SMARCD3: variants seen among roughly 807,000 people sequenced by gnomAD.
SMARCD3 encodes SWI/SNF-related matrix-associated actin-dependent regulator of chromatin subfamily D member 3.
SMARCD3 carries 14 observed loss-of-function variants against 58.0 expected under a neutral mutation model. That is an observed-to-expected ratio of 0.24 (90% CI 0.16 to 0.38). The LOEUF is 0.38. SMARCD3 is among the 10% of genes least tolerant of loss of function. The pLI is 1.00. For synonymous variants in SMARCD3, 253 were observed against 253.8 expected, an observed-to-expected ratio of 1.00 and a Z score of 0.03; for missense variants, 408 against 636.9, an observed-to-expected ratio of 0.64 and a Z score of 3.87.
intron 2 of SMARCD3, among the ~76,000 whole-genome samples, chr7:151,263,815 A>G (rs1042641426): frequency 2.3e-4 from 35 of 152,306 alleles, no homozygotes; most frequent in African/African-American, 5.8e-4. Context: ...AAAAAATGCA[A>G]TGAGGACCAT....
In SMARCD3 at chr7:151,245,552, C is replaced by G; in HGVS notation, c.198G>C (p.Glu66Asp). The G allele has an allele frequency of 8.3e-7, 1 of 1,204,582 alleles. No homozygotes were observed. Among genetic ancestry groups the G allele is most frequent in the Non-Finnish European group, 1.0e-6 (1 of 964,730 alleles). The allele number at this position is 1,204,582 out of a possible 1,614,324, so 74.6% of individuals were successfully genotyped here. ...VRPGLAPAGM[E>D]PARKRAAPPP... ...GGGGCGCTGCTCGCTTGCGGGCGGG[C>G]TCCATGCCCGCGGGGGCCAGGCCGG... The change falls in exon 2 of 13, where the codon GAG becomes GAC. Residue 66 changes from glutamate (E) to aspartate (D), a missense_variant. By Grantham distance (45) the Glu-to-Asp change is conservative. Transcript: ENST00000262188. The surrounding 1 kb of genome is among the most constrained non-coding windows in gnomAD (Gnocchi z 6.2).
Position 151,239,770 on chromosome 7 carries a change from T to C in SMARCD3, c.1174-24A>G. On this transcript the variant is annotated intron_variant, in intron 10 of 12. Transcript: ENST00000262188. The surrounding 1 kb of genome is among the most constrained non-coding windows in gnomAD (Gnocchi z 7.0). ...ATCTGCAGGTAGAAAGATAGATGCTTTCCACCTGGCTTTGGTGATGTGGGA... is the reference window on the plus strand; with the variant it reads ...ATCTGCAGGTAGAAAGATAGATGCTCTCCACCTGGCTTTGGTGATGTGGGA... 1 of 1,613,310 alleles carries C rather than the reference T, an allele frequency of 6.2e-7. No individual in the cohort carries two copies. Among genetic ancestry groups the C allele is most frequent in the Non-Finnish European group, 8.5e-7 (1 of 1,179,764 alleles).
intron 2 of SMARCD3, among the ~76,000 whole-genome samples, chr7:151,257,430 G>A (rs1280962291): frequency 4.6e-5 from 7 of 152,230 alleles, no homozygotes; most frequent in East Asian, 1.9e-4. Flanking sequence ...GGGTTCAAGC[G>A]ATTCTCCTGC....
At position 151,241,934 on chromosome 7, in the gene SMARCD3, C is replaced by A; in HGVS notation, c.720G>T (p.Val240=). ...PTTQETDGFQ[V]KRPGDLSVRC... Reference sequence around the variant, plus strand: ...GCACACTCAGGTCCCCAGGCCGTTTCACCTGGAAGCCGTCCGTCTCCTGGG... The same window carrying A: ...GCACACTCAGGTCCCCAGGCCGTTTAACCTGGAAGCCGTCCGTCTCCTGGG... Residue 240 remains valine, a synonymous_variant, in exon 7 of 13, where the codon GTG becomes GTT. Coordinates refer to ENST00000262188, the MANE Select transcript of SMARCD3 (RefSeq NM_001003801.2). This position sits in a 1 kb window ranked among gnomAD's most constrained non-coding sequence, Gnocchi z 5.3. The A allele has an allele frequency of 6.2e-7, 1 of 1,613,006 alleles. No homozygotes were observed. The highest frequency in any genetic ancestry group is 8.5e-7 in the Non-Finnish European group (1 of 1,179,570).
chr7:151,275,259 G>T, intron 1 of SMARCD3: 1 of 955,058 alleles, frequency 1.0e-6, no homozygotes. Flanking sequence ...GATCTGAAAG[G>T]AGAGGTCAGA....
At position 151,257,348 on chromosome 7, in the gene SMARCD3, C is replaced by T. The variant is rs1803734163; in HGVS notation, c.40-11677G>A. ...CGCTGCTCCACTGAAATGCTCCTGGCAGGGCCACCGGTAGCCTCCACATTG... is the reference window on the plus strand; with the variant it reads ...CGCTGCTCCACTGAAATGCTCCTGGTAGGGCCACCGGTAGCCTCCACATTG... On this transcript the variant is annotated intron_variant, in intron 2 of 13. Transcript: ENST00000356800. Among the ~76,000 whole-genome samples the T allele has an allele frequency of 2.0e-5, 3 of 152,234 alleles. No homozygotes were observed. In the South Asian group the frequency reaches 6.2e-4, roughly 32 times the overall value.
At chr7:151,249,853 G>A (rs1045765720), upstream of SMARCD3, among the ~76,000 whole-genome samples, 1 of 151,938 alleles carries the variant, frequency 6.6e-6, no homozygotes, top group African/African-American at 2.4e-5. This position sits in a 1 kb window ranked among gnomAD's most constrained non-coding sequence, Gnocchi z 4.8. Flanking sequence ...AAGGAGGAGG[G>A]GCAAATCCTG....
rs1444513797 is a variant in SMARCD3, at chr7:151,239,401, A to G, written c.1393T>C (p.Cys465Arg). The change falls in exon 12 of 13, where the codon TGC becomes CGC. Residue 465 changes from cysteine (C) to arginine (R), a missense_variant. Cys to Arg is a radical substitution (Grantham distance 180). This residue lies in a region of SMARCD3 where 81 missense variants were observed against 109.7 expected (regional missense o/e 0.74). Transcript: ENST00000262188. The surrounding 1 kb of genome is among the most constrained non-coding windows in gnomAD (Gnocchi z 7.0). ...GGGCAAGGGTCCCTGCATACCTTGC[A>G]GTAGAAGTAGCGACTGACGGCCTCC... ...SQEAVSRYFY[C>R]KIQQRRQELE... 4 of 1,611,584 alleles carry G rather than the reference A, an allele frequency of 2.5e-6. No homozygotes were observed. The highest frequency in any genetic ancestry group is 2.2e-5 in the East Asian group (1 of 44,878).
At position 151,240,460 on chromosome 7, in the gene SMARCD3, C is replaced by T. The variant is rs1220619328; in HGVS notation, c.1002G>A (p.Leu334=). 3.1e-6 allele frequency: 5 copies of T among 1,613,856 alleles called. No individual in the cohort carries two copies. Among genetic ancestry groups the T allele is most frequent in the Non-Finnish European group, 4.2e-6 (5 of 1,179,968 alleles). Residue 334 remains leucine, a synonymous_variant, in exon 9 of 13, where the codon TTG becomes TTA. Transcript: ENST00000262188. The part of the protein sequence containing the change: ...EIPQRLTALL[L]PPDPIVINHV... Reference sequence around the variant, plus strand: ...GGTTGATGACAATTGGGTCAGGGGGCAATAGCAGGGCTGTGAGGCGCTGGG... The same window carrying T: ...GGTTGATGACAATTGGGTCAGGGGGTAATAGCAGGGCTGTGAGGCGCTGGG...
chr7:151,276,085 G>T (rs1795330234), intron 1 of SMARCD3, among the ~76,000 whole-genome samples: 1 of 151,530 alleles, frequency 6.6e-6, no homozygotes, highest in African/African-American at 2.4e-5. Flanking sequence ...GGGAGACAGA[G>T]TGGGAGGGGA....
At chr7:151,274,741 T>A (rs1795289254) in intron 2 of SMARCD3, among the ~76,000 whole-genome samples, 1 of 152,170 alleles carries the variant, frequency 6.6e-6, no homozygotes, top group Admixed American at 6.5e-5. Flanking sequence ...AGATGGGGTG[T>A]TGTCTGGCTG....
intron 2 of SMARCD3, among the ~76,000 whole-genome samples, chr7:151,269,908 C>T (rs1336325548): frequency 6.6e-6 from 1 of 152,172 alleles, no homozygotes; most frequent in East Asian, 1.9e-4. Flanking sequence ...ATCTGCCTGG[C>T]TGGAAAGGGA....
At chr7:151,258,953 T>C (rs529502811) in intron 2 of SMARCD3, among the ~76,000 whole-genome samples, 2 of 151,976 alleles carry the variant, frequency 1.3e-5, no homozygotes, top group African/African-American at 2.4e-5. Context: ...CACACGCCCA[T>C]TTCTTTTATT....
At chr7:151,254,715 C>T (rs1803644625) in intron 2 of SMARCD3, among the ~76,000 whole-genome samples, 1 of 152,162 alleles carries the variant, frequency 6.6e-6, no homozygotes, top group African/African-American at 2.4e-5. Context: ...GCTAATAGCT[C>T]CCCATGACAG....
intron 2 of SMARCD3, among the ~76,000 whole-genome samples, chr7:151,256,894 C>T (rs960561304): frequency 2.0e-5 from 3 of 152,082 alleles, no homozygotes; most frequent in African/African-American, 2.4e-5. Context: ...GCCGTGCCTC[C>T]GTGTGCCAGC....
At position 151,246,524 on chromosome 7, in the gene SMARCD3, C is replaced by G. The variant is rs7807628; in HGVS notation, c.79-853G>C. Among the ~76,000 whole-genome samples, 74 of 152,224 alleles carry G rather than the reference C, an allele frequency of 4.9e-4. No individual in the cohort carries two copies. Among genetic ancestry groups the G allele is most frequent in the African/African-American group, 1.7e-3 (72 of 41,530 alleles). On this transcript the variant is annotated intron_variant, in intron 1 of 12. Transcript: ENST00000262188. This position sits in a 1 kb window ranked among gnomAD's most constrained non-coding sequence, Gnocchi z 4.4. ...GTTAGAGGTGGGCTGCCCAGGGGGGCCTGGGGTGGGTCAGGGCAGTGACAC... is the reference window on the plus strand; with the variant it reads ...GTTAGAGGTGGGCTGCCCAGGGGGGGCTGGGGTGGGTCAGGGCAGTGACAC...
chr7:151,238,986 A>T lies in SMARCD3; in HGVS notation c.*117T>A. 8.5e-7 allele frequency: 1 copy of T among 1,181,266 alleles called. No homozygotes were observed. Among genetic ancestry groups the T allele is most frequent in the Non-Finnish European group, 1.3e-6 (1 of 793,198 alleles). 73.2% of individuals were successfully genotyped at this position (1,181,266 alleles called of 1,614,324 possible). A position where few individuals can be genotyped will look rare whatever the true frequency, so the allele number is the denominator to read the frequency against. ...CCACACGGCTGCTGTCAGATGAATG[A>T]CTTTTAATCCAGCCCCACACCCCAA... On this transcript the variant is annotated 3_prime_UTR_variant, in exon 13 of 13. Transcript: ENST00000262188.
chr7:151,245,525 C>CG lies in SMARCD3; in HGVS notation c.224dup (p.Pro76AlafsTer30). 8.2e-7 allele frequency: 1 copy of CG among 1,222,120 alleles called. No individual in the cohort carries two copies. The highest frequency in any genetic ancestry group is 4.1e-5 in the South Asian group (1 of 24,196). The allele number at this position is 1,222,120 out of a possible 1,614,324, so 75.7% of individuals were successfully genotyped here. A position where few individuals can be genotyped will look rare whatever the true frequency, so the allele number is the denominator to read the frequency against. ...GGCTCTGTGCCTGGCTCTGCCCGGG[C>CG]GGGGGCGCTGCTCGCTTGCGGGCGG... is the stretch of plus-strand genomic sequence containing the variant. On this transcript the variant is annotated frameshift_variant, in exon 2 of 13. Coordinates refer to ENST00000262188, the MANE Select transcript of SMARCD3 (RefSeq NM_001003801.2). LOFTEE classifies it high-confidence loss of function. The surrounding 1 kb of genome is among the most constrained non-coding windows in gnomAD (Gnocchi z 6.2).
Position 151,239,041 on chromosome 7 carries a change from G to A in SMARCD3, c.*62C>T, listed in dbSNP as rs1403234392. ...GCAGAGGAGTGATGCTGGAGCCCGG[G>A]GCAAAATGCTGGGGCCCGGGACACG... On this transcript the variant is annotated 3_prime_UTR_variant, in exon 13 of 13. Transcript: ENST00000262188. This position sits in a 1 kb window ranked among gnomAD's most constrained non-coding sequence, Gnocchi z 7.0. 1 of 1,531,286 alleles carries A rather than the reference G, an allele frequency of 6.5e-7. No individual in the cohort carries two copies. Among genetic ancestry groups the A allele is most frequent in the East Asian group, 2.2e-5 (1 of 44,488 alleles). The allele number at this position is 1,531,286 out of a possible 1,614,324, so 94.9% of individuals were successfully genotyped here. A position where few individuals can be genotyped will look rare whatever the true frequency, so the allele number is the denominator to read the frequency against.
Sources: gnomAD v4.1 joint callset for allele counts (sites outside exome capture counted in the v4.1 genomes callset) on GRCh38, gnomAD v4.1.1 for gene constraint, gnomAD v4.1.1 regional missense constraint, Gnocchi (gnomAD v3.1) non-coding constraint, MANE v1.5 for transcripts, NCBI Gene and HGNC (gene_info 2026-07-23, HGNC 2026-07-21) for gene names.